PLXDC2: variants seen among roughly 807,000 people sequenced by gnomAD.
PLXDC2 encodes plexin domain-containing protein 2.
PLXDC2 carries 40 observed loss-of-function variants against 68.9 expected under a neutral mutation model. That is an observed-to-expected ratio of 0.58 (90% confidence interval 0.45 to 0.76). The LOEUF (loss-of-function observed/expected upper bound fraction) is 0.76. Ranked by LOEUF, PLXDC2 falls within the 30% of genes least tolerant of loss-of-function variation. The pLI is 0.00. For synonymous variants in PLXDC2, 243 were observed against 234.2 expected, an observed-to-expected ratio of 1.04 and a Z score of -0.34; for missense variants, 644 against 661.9, an observed-to-expected ratio of 0.97 and a Z score of 0.30.
intron 3 of PLXDC2, among the ~76,000 whole-genome samples, chr10:20,065,591 T>C (rs1287130289): frequency 1.3e-5 from 2 of 152,184 alleles, no homozygotes; most frequent in African/African-American, 4.8e-5. Context: ...GTGAAATGAT[T>C]ATACAACTCA....
intron 1 of PLXDC2, among the ~76,000 whole-genome samples, chr10:19,945,751 G>C (rs886761414): frequency 6.6e-6 from 1 of 152,090 alleles, no homozygotes; most frequent in Non-Finnish European, 1.5e-5. Flanking sequence ...GGATAGCAGC[G>C]AATTAACTGA....
At chr10:19,914,978 A>T (rs1315794825) in intron 1 of PLXDC2, among the ~76,000 whole-genome samples, 1 of 152,162 alleles carries the variant, frequency 6.6e-6, no homozygotes, top group East Asian at 1.9e-4. Flanking sequence ...TGTATGACAC[A>T]TCTTTACTTT....
Position 20,107,721 on chromosome 10 carries a change from G to T in PLXDC2, c.542-35574G>T, listed in dbSNP as rs74229485. On this transcript the variant is annotated intron_variant, in intron 4 of 13. Transcript: ENST00000377252. ...TAGAAAAGAGGTATTCAATTTGGAG[G>T]TTTTTGAGTATTAGAGTTTATTCAG... 9.2e-5 allele frequency among the ~76,000 whole-genome samples: 14 copies of T among 152,180 alleles called. No individual in the cohort carries two copies. The East Asian group carries it at 2.5e-3, about 27-fold the overall frequency.
chr10:20,279,146 T>C (rs1836048016), intron 13 of PLXDC2, among the ~76,000 whole-genome samples: 1 of 152,244 alleles, frequency 6.6e-6, no homozygotes, highest in Admixed American at 6.5e-5. Context: ...AAATCATAGA[T>C]GGGTATGCTT....
At chr10:20,069,086 A>G (rs976840578) in intron 4 of PLXDC2, among the ~76,000 whole-genome samples, 3 of 152,178 alleles carry the variant, frequency 2.0e-5, no homozygotes, top group Non-Finnish European at 4.4e-5. Flanking sequence ...AGCACCATAG[A>G]CAGAGTCTCT....
intron 1 of PLXDC2, among the ~76,000 whole-genome samples, chr10:19,954,318 A>T (rs537661204): frequency 6.6e-6 from 1 of 152,290 alleles, no homozygotes; most frequent in Non-Finnish European, 1.5e-5. Flanking sequence ...TTTTGAATAA[A>T]ATTACTCTCT....
chr10:20,175,815 C>A (rs905748399), intron 7 of PLXDC2, among the ~76,000 whole-genome samples: 1 of 152,032 alleles, frequency 6.6e-6, no homozygotes, highest in African/African-American at 2.4e-5. Flanking sequence ...CAGTGGGAGA[C>A]CCTGTCTCAA....
At chr10:19,831,176 A>T (rs1056943548) in intron 1 of PLXDC2, among the ~76,000 whole-genome samples, 1 of 152,182 alleles carries the variant, frequency 6.6e-6, no homozygotes, top group Non-Finnish European at 1.5e-5. Flanking sequence ...CATTCATCAG[A>T]TAAGTCATAA....
chr10:20,162,133 AAAG>A (rs1424134668), intron 6 of PLXDC2, among the ~76,000 whole-genome samples: 1 of 151,116 alleles, frequency 6.6e-6, no homozygotes, highest in African/African-American at 2.4e-5. Flanking sequence ...GGAAGGAAAG[AAAG>A]AAGGAAAGAA....
At chr10:20,182,306 A>G (rs1432271033) in intron 9 of PLXDC2, among the ~76,000 whole-genome samples, 3 of 149,390 alleles carry the variant, frequency 2.0e-5, no homozygotes, top group Non-Finnish European at 4.5e-5. Context: ...ATCATCATAC[A>G]TTTATTCTGC....
At chr10:19,906,868 G>C (rs1833171631) in intron 1 of PLXDC2, among the ~76,000 whole-genome samples, 1 of 152,170 alleles carries the variant, frequency 6.6e-6, no homozygotes, top group South Asian at 2.1e-4. Flanking sequence ...TCTTCTGTCT[G>C]CCTGGAGCCC....
At chr10:19,958,255 T>G (rs552598548) in intron 1 of PLXDC2, among the ~76,000 whole-genome samples, 11 of 152,138 alleles carry the variant, frequency 7.2e-5, no homozygotes, top group Admixed American at 5.9e-4. Flanking sequence ...TTATACAGTA[T>G]ACTCTCTAAG....
chr10:20,024,067 T>C (rs1835357017), intron 2 of PLXDC2, among the ~76,000 whole-genome samples: 1 of 152,204 alleles, frequency 6.6e-6, no homozygotes, highest in Non-Finnish European at 1.5e-5. Flanking sequence ...TAGGAACATA[T>C]ATGATATTCT....
At chr10:19,825,069 T>C (rs2131998201) in intron 1 of PLXDC2, among the ~76,000 whole-genome samples, 1 of 152,302 alleles carries the variant, frequency 6.6e-6, no homozygotes, top group African/African-American at 2.4e-5. Context: ...TAAAATAGGC[T>C]GTCCTCACTC....
chr10:19,984,416 G>A (rs778597787), intron 1 of PLXDC2, among the ~76,000 whole-genome samples: 1 of 152,184 alleles, frequency 6.6e-6, no homozygotes, highest in Non-Finnish European at 1.5e-5. Flanking sequence ...ACATGGTGAT[G>A]TGTTTTCCTT....
intron 1 of PLXDC2, among the ~76,000 whole-genome samples, chr10:19,976,906 C>T (rs115968830): frequency 6.7e-6 from 1 of 148,938 alleles, no homozygotes; most frequent in Non-Finnish European, 1.5e-5. Context: ...TTTAATCCTT[C>T]TTTTATTCCT....
At chr10:20,089,943 C>CT in intron 4 of PLXDC2, among the ~76,000 whole-genome samples, 1 of 152,198 alleles carries the variant, frequency 6.6e-6, no homozygotes, top group African/African-American at 2.4e-5. Context: ...GGTTCAAGTC[C>CT]TTTTTTTCAG....
At chr10:19,928,583 G>A (rs964162498) in intron 1 of PLXDC2, among the ~76,000 whole-genome samples, 2 of 152,084 alleles carry the variant, frequency 1.3e-5, no homozygotes, top group East Asian at 1.9e-4. Context: ...AGACCATCCC[G>A]TGATGAAGTG....
chr10:19,865,848 T>C (rs1414471149), intron 1 of PLXDC2, among the ~76,000 whole-genome samples: 1 of 152,228 alleles, frequency 6.6e-6, no homozygotes, highest in Non-Finnish European at 1.5e-5. Flanking sequence ...GCCTGACACA[T>C]GATGAACACC....
Sources: allele counts gnomAD v4.1 joint callset (sites outside exome capture counted in the v4.1 genomes callset), GRCh38; gene constraint gnomAD v4.1.1; transcripts MANE v1.5; gene names NCBI Gene and HGNC (gene_info 2026-07-23, HGNC 2026-07-21).